Variants in TRAK1 observed in about 807,000 individuals in gnomAD.
TRAK1 encodes the protein trafficking kinesin protein 1.
A neutral mutation model predicts 92.1 loss-of-function variants in TRAK1; 33 were observed. The observed-to-expected ratio is 0.36, with a 90% CI of 0.27 to 0.48. The LOEUF is 0.48. Ranked by LOEUF, TRAK1 falls within the 20% of genes least tolerant of loss-of-function variation. The pLI is 0.99. For missense variants in TRAK1, 1,123 were observed against 1,257.9 expected, an observed-to-expected ratio of 0.89 and a Z score of 1.62; for synonymous variants, 521 against 517.3, an observed-to-expected ratio of 1.01 and a Z score of -0.10.
At chr3:42,037,547 T>C (rs1398359296) in intron 1 of TRAK1, among the ~76,000 whole-genome samples, 3 of 152,208 alleles carry the variant, frequency 2.0e-5, no homozygotes, top group African/African-American at 7.2e-5. Context: ...AGACAGACAT[T>C]AATGCAATTT....
At chr3:42,160,440 A>G (rs1701132229) in intron 2 of TRAK1, 2 of 1,614,224 alleles carry the variant, frequency 1.2e-6, no homozygotes, top group Non-Finnish European at 1.7e-6. Flanking sequence ...GCCAACCCAC[A>G]GGCAGCATGA....
chr3:42,110,694 A>G (rs1167417225), intron 1 of TRAK1, among the ~76,000 whole-genome samples: 1 of 152,154 alleles, frequency 6.6e-6, no homozygotes, highest in East Asian at 1.9e-4. Flanking sequence ...AGAGGAGTAG[A>G]AGACAGAAAA....
At chr3:42,065,007 G>T (rs918131301) in intron 1 of TRAK1, among the ~76,000 whole-genome samples, 3 of 152,102 alleles carry the variant, frequency 2.0e-5, no homozygotes, top group African/African-American at 7.2e-5. Flanking sequence ...AATCCGGGAG[G>T]TGGAGCTTAC....
chr3:42,167,666 G>A (rs2149328345), intron 2 of TRAK1, among the ~76,000 whole-genome samples: 1 of 152,284 alleles, frequency 6.6e-6, no homozygotes, highest in South Asian at 2.1e-4. Context: ...GGATCACGAG[G>A]TCAGGAGATC....
chr3:42,049,511 T>G (rs1702897215), intron 1 of TRAK1, among the ~76,000 whole-genome samples: 1 of 151,984 alleles, frequency 6.6e-6, no homozygotes, highest in Non-Finnish European at 1.5e-5. Context: ...CATCTAGAAG[T>G]TTATATTCTT....
At chr3:42,019,386 C>A (rs905287562) in intron 1 of TRAK1, among the ~76,000 whole-genome samples, 1 of 152,168 alleles carries the variant, frequency 6.6e-6, no homozygotes, top group African/African-American at 2.4e-5. Context: ...AGCCATCTTC[C>A]CGCTTTGGCT....
intron 1 of TRAK1, among the ~76,000 whole-genome samples, chr3:42,065,111 G>A (rs1172882438): frequency 6.6e-6 from 1 of 151,982 alleles, no homozygotes. Context: ...AATTAGCTGG[G>A]CATGGATGCA....
chr3:42,194,796 G>T lies in TRAK1; in HGVS notation c.976-8G>T, dbSNP rs373149810. 8.5e-5 allele frequency: 137 copies of T among 1,613,046 alleles called. No individual in the cohort carries two copies. In the African/African-American group the frequency reaches 1.8e-3, roughly 21 times the overall value. On this transcript the variant is annotated splice_region_variant and splice_polypyrimidine_tract_variant and intron_variant, in intron 9 of 15. Transcript: ENST00000327628. Reference sequence around the variant, plus strand: ...GATCCTGACCCTCTGTGTCTTTCCTGCCTGCAGCTGCGTGAGCTGGAGGAC... The same window carrying T: ...GATCCTGACCCTCTGTGTCTTTCCTTCCTGCAGCTGCGTGAGCTGGAGGAC...
At chr3:42,195,015 G>A (rs1706393832) in intron 10 of TRAK1, 74 bp downstream of exon 10, 3 of 1,562,992 alleles carry the variant, frequency 1.9e-6, no homozygotes, top group Non-Finnish European at 2.6e-6. Context: ...TGACATTCTG[G>A]CCACTGGAGT....
chr3:42,070,251 T>TTATTATAATTATAATAATTATGAATAATA (rs1559736176), intron 1 of TRAK1, among the ~76,000 whole-genome samples: 6 of 124,628 alleles, frequency 4.8e-5, no homozygotes, highest in African/African-American at 8.5e-5. Flanking sequence ...TAATAATAAT[T>TTATTATAATTATAATAATTATGAATAATA]ATTATAATTA....
At chr3:42,136,392 A>C (rs928675584) in intron 2 of TRAK1, among the ~76,000 whole-genome samples, 2 of 152,166 alleles carry the variant, frequency 1.3e-5, no homozygotes, top group African/African-American at 4.8e-5. Context: ...TGGGAGGCCT[A>C]GGCAGGAGGA....
At chr3:42,177,344 AT>A (rs1703357106) in intron 3 of TRAK1, among the ~76,000 whole-genome samples, 1 of 152,238 alleles carries the variant, frequency 6.6e-6, no homozygotes, top group Non-Finnish European at 1.5e-5. Context: ...GTTGCTTAAG[AT>A]TAGGTGAGCT....
At chr3:42,108,360 G>C (rs973317486) in intron 1 of TRAK1, among the ~76,000 whole-genome samples, 9 of 152,010 alleles carry the variant, frequency 5.9e-5, no homozygotes, top group Middle Eastern at 3.4e-3. Flanking sequence ...GTGTGGTGCT[G>C]CCTGCCTGTA....
chr3:42,199,274 G>A (rs1707187213), intron 11 of TRAK1, 21 bp downstream of exon 11: 1 of 1,613,634 alleles, frequency 6.2e-7, no homozygotes, highest in Non-Finnish European at 8.5e-7. Context: ...AGTTTTTACA[G>A]TTTTGAGATT....
At chr3:42,203,781 T>C in intron 13 of TRAK1, 2 of 936,696 alleles carry the variant, frequency 2.1e-6, no homozygotes, top group Non-Finnish European at 2.5e-6. Flanking sequence ...CAAAGACATT[T>C]TAATACCACA....
chr3:42,212,894 G>A (rs781303115), intron 14 of TRAK1, among the ~76,000 whole-genome samples: 2 of 152,094 alleles, frequency 1.3e-5, no homozygotes, highest in Admixed American at 6.5e-5. Flanking sequence ...AAGCCACATG[G>A]ATAGAGAAAA....
intron 2 of TRAK1, among the ~76,000 whole-genome samples, chr3:42,137,719 T>C (rs965345035): frequency 5.9e-5 from 9 of 152,108 alleles, no homozygotes; most frequent in African/African-American, 1.9e-4. Flanking sequence ...TCTGTGTGGG[T>C]TGGGTAACGC....
intron 2 of TRAK1, among the ~76,000 whole-genome samples, chr3:42,140,354 G>A (rs1329509531): frequency 6.6e-6 from 1 of 152,218 alleles, no homozygotes; most frequent in African/African-American, 2.4e-5. Context: ...ATCAGGCTGG[G>A]CGCAGTGGCT....
intron 1 of TRAK1, among the ~76,000 whole-genome samples, chr3:42,075,454 T>C (rs1026340462): frequency 3.3e-5 from 5 of 151,978 alleles, no homozygotes; most frequent in African/African-American, 1.2e-4. Flanking sequence ...AAGATACATG[T>C]GCTTATGTGT....
Sources: allele counts gnomAD v4.1 joint callset (sites outside exome capture counted in the v4.1 genomes callset), GRCh38; gene constraint gnomAD v4.1.1; transcripts MANE v1.5; gene names NCBI Gene and HGNC (gene_info 2026-07-23, HGNC 2026-07-21).